TRERF1: variants seen among roughly 807,000 people sequenced by gnomAD.
The protein encoded by TRERF1 is transcriptional regulating factor 1, also known as transcriptional-regulating factor 1.
A neutral mutation model predicts 122.9 loss-of-function variants in TRERF1; 27 were observed. The observed-to-expected ratio is 0.22, with a 90% CI of 0.16 to 0.30. The LOEUF (loss-of-function observed/expected upper bound fraction) is 0.30. Ranked by LOEUF, TRERF1 falls within the 10% of genes least tolerant of loss-of-function variation. The probability of loss-of-function intolerance (pLI) is 1.00; values close to 1 mark genes in which losing one functional copy is unlikely to be tolerated. For missense variants in TRERF1, 1,248 were observed against 1,560.3 expected (o/e 0.80, Z 3.37); for synonymous variants, 636 against 641.7 (o/e 0.99, Z 0.13).
At chr6:42,265,609 T>C (rs1779002218) in intron 6 of TRERF1, 142 bp downstream of exon 6, 1 of 885,498 alleles carries the variant, frequency 1.1e-6, no homozygotes, top group East Asian at 2.7e-5. Flanking sequence ...GCCCATAGTA[T>C]GCACTCAAAC....
In TRERF1 at chr6:42,418,847, A is replaced by G. The variant is rs116087694; in HGVS notation, c.-454+32330T>C. ...TGGAAACCACCCCCTGCATTTCACA[A>G]CTGCTGTCTAATTACCTTCATGTAA... On this transcript the variant is annotated intron_variant, in intron 2 of 17. Transcript: ENST00000372922. Among the ~76,000 whole-genome samples the G allele has an allele frequency of 3.3e-3, 509 of 152,284 alleles. 2 individuals carry two copies. Among genetic ancestry groups the G allele is most frequent in the African/African-American group, 0.012 (484 of 41,564 alleles).
intron 4 of TRERF1, among the ~76,000 whole-genome samples, chr6:42,283,611 CTTTT>C (rs869206003): frequency 1.9e-5 from 2 of 107,996 alleles, no homozygotes; most frequent in Non-Finnish European, 1.9e-5. Context: ...ATGAAAAAAA[CTTTT>C]TTTTTTTTTT....
chr6:42,371,373 T>G (rs1236727748), intron 2 of TRERF1, among the ~76,000 whole-genome samples: 1 of 152,174 alleles, frequency 6.6e-6, no homozygotes, highest in Non-Finnish European at 1.5e-5. Flanking sequence ...CCTCACTTGA[T>G]CTACCCTTCC....
chr6:42,362,622 C>T (rs576425284), intron 3 of TRERF1, among the ~76,000 whole-genome samples: 5 of 152,310 alleles, frequency 3.3e-5, no homozygotes, highest in African/African-American at 7.2e-5. Flanking sequence ...TCCAGCAATC[C>T]GCCTCTGGCA....
chr6:42,265,782 C>T (rs1186608585), exon 6 of TRERF1: 1 of 1,613,198 alleles, frequency 6.2e-7, no homozygotes, highest in Non-Finnish European at 8.5e-7. Flanking sequence ...TGGGCTCTCC[C>T]ATCAGGTAGG....
chr6:42,255,213 T>C (rs1024154602), intron 12 of TRERF1, among the ~76,000 whole-genome samples: 1 of 152,194 alleles, frequency 6.6e-6, no homozygotes, highest in Non-Finnish European at 1.5e-5. Flanking sequence ...GCCCCAGAGA[T>C]GAGTGGTGCC....
At position 42,231,639 on chromosome 6, in the gene TRERF1, T is replaced by C. The variant is rs142265821; in HGVS notation, c.3278+1042A>G. ...GGAACTCAGCAAGGCTCCTAAAGGATGTAATTCATAACAATGTAGTACCCT... is the reference window on the plus strand; with the variant it reads ...GGAACTCAGCAAGGCTCCTAAAGGACGTAATTCATAACAATGTAGTACCCT... On this transcript the variant is annotated intron_variant, in intron 17 of 17. Transcript: ENST00000372922. 8.3e-4 allele frequency among the ~76,000 whole-genome samples: 126 copies of C among 152,354 alleles called. No individual in the cohort carries two copies. In the East Asian group the frequency reaches 0.012, roughly 15 times the overall value.
chr6:42,342,767 T>C (rs1767530484), intron 3 of TRERF1, among the ~76,000 whole-genome samples: 1 of 152,210 alleles, frequency 6.6e-6, no homozygotes, highest in Non-Finnish European at 1.5e-5. Flanking sequence ...AACTCTTTCC[T>C]TGAAGTTACT....
At chr6:42,389,574 G>A (rs922535093) in intron 2 of TRERF1, among the ~76,000 whole-genome samples, 2 of 152,198 alleles carry the variant, frequency 1.3e-5, no homozygotes, top group Non-Finnish European at 2.9e-5. Context: ...AATGTGCCCA[G>A]TAAGCATGGG....
At chr6:42,234,327 T>TG (rs1221336792) in intron 16 of TRERF1, among the ~76,000 whole-genome samples, 2 of 150,856 alleles carry the variant, frequency 1.3e-5, no homozygotes, top group Non-Finnish European at 2.9e-5. Context: ...CTGTTTTTTT[T>TG]GTTTGTTTGT....
intron 4 of TRERF1, among the ~76,000 whole-genome samples, chr6:42,279,771 A>T (rs1233368488): frequency 6.6e-6 from 1 of 152,028 alleles, no homozygotes; most frequent in Admixed American, 6.5e-5. Context: ...TGTGTGTGTG[A>T]GCTATACTCC....
At chr6:42,390,564 G>T in intron 2 of TRERF1, among the ~76,000 whole-genome samples, 1 of 152,120 alleles carries the variant, frequency 6.6e-6, no homozygotes. Flanking sequence ...CTATGCGTTC[G>T]CACTGGTATC....
chr6:42,343,104 G>A (rs906646788), intron 3 of TRERF1, among the ~76,000 whole-genome samples: 1 of 151,986 alleles, frequency 6.6e-6, no homozygotes, highest in African/African-American at 2.4e-5. Flanking sequence ...TGTTACTGTT[G>A]AGCCACAACT....
At chr6:42,425,530 T>A (rs1282821945) in intron 2 of TRERF1, among the ~76,000 whole-genome samples, 2 of 6,994 alleles carry the variant, frequency 2.9e-4, no homozygotes, top group Admixed American at 1.4e-3. Flanking sequence ...CCCCTGGGCA[T>A]TTTTTTTTTT....
At chr6:42,408,227 A>ATATATATATG (rs150915297) in intron 2 of TRERF1, among the ~76,000 whole-genome samples, 35 of 116,708 alleles carry the variant, frequency 3.0e-4, no homozygotes, top group Admixed American at 2.2e-3. Flanking sequence ...ATATATATAT[A>ATATATATATG]TGTGTGTGTG....
chr6:42,439,119 A>G (rs1786006110), intron 2 of TRERF1, among the ~76,000 whole-genome samples: 1 of 152,252 alleles, frequency 6.6e-6, no homozygotes, highest in African/African-American at 2.4e-5. Context: ...CTTCTCCTTC[A>G]ACATCACTGC....
chr6:42,335,392 A>C (rs920240951), intron 3 of TRERF1, among the ~76,000 whole-genome samples: 1 of 152,232 alleles, frequency 6.6e-6, no homozygotes, highest in Admixed American at 6.5e-5. Flanking sequence ...CAGGTGCCTT[A>C]CATGTATCAA....
intron 2 of TRERF1, among the ~76,000 whole-genome samples, chr6:42,366,142 C>T (rs909491178): frequency 6.6e-6 from 1 of 152,170 alleles, no homozygotes; most frequent in South Asian, 2.1e-4. Context: ...TGGGTGGCAC[C>T]AACCCAGCTT....
chr6:42,261,379 T>A (rs1229835474), intron 8 of TRERF1, among the ~76,000 whole-genome samples: 1 of 152,126 alleles, frequency 6.6e-6, no homozygotes, highest in Non-Finnish European at 1.5e-5. Context: ...TTTCCGATCC[T>A]CCAGGCAAGG....
Sources: allele counts gnomAD v4.1 joint callset (sites outside exome capture counted in the v4.1 genomes callset), GRCh38; gene constraint gnomAD v4.1.1; transcripts MANE v1.5; gene names NCBI Gene and HGNC (gene_info 2026-07-23, HGNC 2026-07-21).